SPATA16: variants seen among roughly 807,000 people sequenced by gnomAD.
SPATA16 encodes spermatogenesis associated 16, also known as spermatogenesis-associated protein 16.
Under a neutral mutation model 63.3 loss-of-function variants are expected in SPATA16, and 36 were observed. The ratio of observed to expected loss-of-function variants is 0.57; its 90% CI spans 0.44 to 0.75. The LOEUF (loss-of-function observed/expected upper bound fraction) is 0.75, where lower values mean the gene tolerates loss of function less well. SPATA16 is among the 30% of genes least tolerant of loss of function. The probability of loss-of-function intolerance (pLI) is 0.00; values close to 1 mark genes in which losing one functional copy is unlikely to be tolerated. For missense variants in SPATA16, 646 were observed against 679.3 expected (o/e 0.95, Z 0.54); for synonymous variants, 203 against 216.7 (o/e 0.94, Z 0.56).
At chr3:173,054,797 A>T (rs943326235) in intron 2 of SPATA16, among the ~76,000 whole-genome samples, 4 of 152,110 alleles carry the variant, frequency 2.6e-5, no homozygotes, top group African/African-American at 4.8e-5. Context: ...AAAACATTCC[A>T]CTCACTAGCA....
intron 2 of SPATA16, among the ~76,000 whole-genome samples, chr3:173,074,405 A>G (rs1736740409): frequency 6.6e-6 from 1 of 152,018 alleles, no homozygotes. Flanking sequence ...CTGGTGGGAG[A>G]TAATTGAATC....
chr3:173,117,199 A>G lies in SPATA16; in HGVS notation c.533T>C (p.Val178Ala), dbSNP rs753284754. Residue 178 changes from valine (V) to alanine (A), a missense_variant, in exon 2 of 11, where the codon GTA (valine) becomes GCA (alanine). Coordinates refer to ENST00000351008, the MANE Select transcript of SPATA16 (RefSeq NM_031955.6). ...GCAAGAGCTGGCATCCTTTAAGGCT[A>G]CCTGAAGCCATTTGTCAATCTGAGG... ...FLPQIDKWLQVALKDASSCYR... is the reference protein window; with the variant it reads ...FLPQIDKWLQAALKDASSCYR... 1.2e-6 allele frequency: 2 copies of G among 1,614,156 alleles called. No individual in the cohort carries two copies. Among genetic ancestry groups the G allele is most frequent in the Admixed American group, 1.7e-5 (1 of 60,020 alleles).
intron 7 of SPATA16, among the ~76,000 whole-genome samples, 161 bp from the exon 8 acceptor site, chr3:172,924,478 G>C (rs1236155068): frequency 6.6e-6 from 1 of 152,070 alleles, no homozygotes; most frequent in Admixed American, 6.6e-5. Context: ...AACAAAGAAA[G>C]ATCTATGGGG....
intron 10 of SPATA16, among the ~76,000 whole-genome samples, chr3:172,905,185 C>A (rs1338358589): frequency 6.6e-6 from 1 of 152,092 alleles, no homozygotes; most frequent in Non-Finnish European, 1.5e-5. Flanking sequence ...AATAAGGAAG[C>A]CCATAACCAA....
chr3:173,013,366 C>T (rs1735113312), intron 4 of SPATA16, among the ~76,000 whole-genome samples: 1 of 152,180 alleles, frequency 6.6e-6, no homozygotes, highest in African/African-American at 2.4e-5. Flanking sequence ...GGAGACTTCT[C>T]AAAGTGTTGC....
At chr3:173,097,067 T>C (rs1737376706) in intron 2 of SPATA16, among the ~76,000 whole-genome samples, 1 of 152,096 alleles carries the variant, frequency 6.6e-6, no homozygotes, top group Non-Finnish European at 1.5e-5. Context: ...GAAATAAACA[T>C]TTATAAATTT....
chr3:172,953,454 C>T (rs1310911063), intron 6 of SPATA16, among the ~76,000 whole-genome samples: 1 of 152,168 alleles, frequency 6.6e-6, no homozygotes, highest in Non-Finnish European at 1.5e-5. Context: ...GGTTCACAAG[C>T]TAGCAGTCCA....
chr3:172,921,771 G>A (rs1732620192), intron 8 of SPATA16, among the ~76,000 whole-genome samples: 1 of 152,140 alleles, frequency 6.6e-6, no homozygotes, highest in Non-Finnish European at 1.5e-5. Flanking sequence ...ATGTATTTAT[G>A]GTTCACAACA....
At chr3:172,974,703 C>T (rs1734116232) in intron 5 of SPATA16, among the ~76,000 whole-genome samples, 1 of 151,950 alleles carries the variant, frequency 6.6e-6, no homozygotes, top group Admixed American at 6.6e-5. Flanking sequence ...GCTTCTTTTT[C>T]CCTCAAAATT....
chr3:173,061,396 C>T (rs142662258), intron 2 of SPATA16, among the ~76,000 whole-genome samples: 173 of 152,238 alleles, frequency 1.1e-3, no homozygotes, highest in African/African-American at 4.0e-3. Flanking sequence ...GCCGTTCTTT[C>T]TTGGGGATTT....
chr3:173,129,370 A>G (rs555717982), intron 1 of SPATA16, among the ~76,000 whole-genome samples: 91 of 152,304 alleles, frequency 6.0e-4, no homozygotes, highest in African/African-American at 2.2e-3. Context: ...ACTTTGATGT[A>G]TCTTGGTTTC....
chr3:172,918,096 C>G (rs1732535903), intron 8 of SPATA16, among the ~76,000 whole-genome samples: 2 of 152,138 alleles, frequency 1.3e-5, no homozygotes, highest in South Asian at 4.1e-4. Context: ...ATATGGGGTT[C>G]CTTCCTGAAT....
At position 173,117,715 on chromosome 3, in the gene SPATA16, C is replaced by G. The variant is rs749125955; in HGVS notation, c.17G>C (p.Ser6Thr). The change falls in exon 2 of 11, where the codon AGT (serine) becomes ACT (threonine). Residue 6 changes from serine to threonine, a missense_variant. Ser to Thr is a moderately conservative substitution (Grantham distance 58). Transcript: ENST00000351008. MDAGS[S>T]RSLENAVNRI... is the part of the protein sequence containing the mutation. ...ATTCACTGCATTCTCCAAACTCCTA[C>G]TGCTTCCTGCATCCATCGATCCTGC... 1.5e-5 allele frequency: 24 copies of G among 1,614,016 alleles called. No homozygotes were observed. The highest frequency in any genetic ancestry group is 1.9e-5 in the Non-Finnish European group (22 of 1,180,002).
intron 10 of SPATA16, among the ~76,000 whole-genome samples, chr3:172,910,454 C>T (rs1391706945): frequency 6.6e-6 from 1 of 152,008 alleles, no homozygotes; most frequent in East Asian, 1.9e-4. Context: ...TATTATGGTT[C>T]TTGTGGCTAC....
At chr3:173,055,722 T>C (rs1736206014) in intron 2 of SPATA16, among the ~76,000 whole-genome samples, 1 of 152,142 alleles carries the variant, frequency 6.6e-6, no homozygotes, top group Admixed American at 6.5e-5. Context: ...TGCACAGACA[T>C]AATACACACA....
Position 172,961,030 on chromosome 3 carries a change from C to T in SPATA16, c.934-4206G>A, listed in dbSNP as rs9714028. On this transcript the variant is annotated intron_variant, in intron 5 of 10. Coordinates refer to ENST00000351008, the MANE Select transcript of SPATA16 (RefSeq NM_031955.6). ...TCTTTCTTTCTTTTTCTCTCTTTCT[C>T]TCTTTCTTTCTTTCTTTCTTCTTTC... Among the ~76,000 whole-genome samples the T allele has an allele frequency of 8.0e-3, 438 of 54,964 alleles. 19 individuals carry two copies. Among genetic ancestry groups the T allele is most frequent in the African/African-American group, 0.014 (261 of 18,464 alleles). The allele number at this position is 54,964 out of a possible 152,430, so 36.1% of individuals were successfully genotyped here. A position where few individuals can be genotyped will look rare whatever the true frequency, so the allele number is the denominator to read the frequency against.
At chr3:173,134,251 A>G (rs753402216) in intron 1 of SPATA16, among the ~76,000 whole-genome samples, 11 of 152,100 alleles carry the variant, frequency 7.2e-5, no homozygotes, top group Non-Finnish European at 1.5e-4. Context: ...CTAAAAGTTC[A>G]TGTGTTGGAA....
intron 2 of SPATA16, among the ~76,000 whole-genome samples, chr3:173,070,239 A>G (rs1384000542): frequency 1.3e-5 from 2 of 152,028 alleles, no homozygotes; most frequent in African/African-American, 4.8e-5. Context: ...TACTAAAAAT[A>G]CAAAAATTAG....
intron 2 of SPATA16, among the ~76,000 whole-genome samples, chr3:173,115,620 G>A (rs11919844): frequency 0.17 from 25,933 of 151,324 alleles, 2,430 homozygotes; most frequent in East Asian, 0.32. Context: ...ATGAGAACAG[G>A]AATATTTATA....
Sources: gnomAD v4.1 joint callset for allele counts (sites outside exome capture counted in the v4.1 genomes callset) on GRCh38, gnomAD v4.1.1 for gene constraint, MANE v1.5 for transcripts, NCBI Gene and HGNC (gene_info 2026-07-23, HGNC 2026-07-21) for gene names.